NBPF19: variants seen among roughly 807,000 people sequenced by gnomAD.
NBPF19 encodes the protein NBPF family member NBPF19.
In NBPF19, 30 loss-of-function variants were observed where a neutral mutation model predicts 45.9. The observed-to-expected ratio is 0.65, with a 90% CI of 0.49 to 0.89. NBPF19 has a LOEUF of 0.89. Ranked by LOEUF, NBPF19 falls within the 40% of genes least tolerant of loss-of-function variation. The probability of loss-of-function intolerance (pLI) is 0.00; values close to 1 mark genes in which losing one functional copy is unlikely to be tolerated. For synonymous variants in NBPF19, 183 were observed against 181.2 expected (o/e 1.01, Z -0.08); for missense variants, 495 against 471.8 (o/e 1.05, Z -0.46).
chr1:149,555,061 T>G lies in NBPF19; in HGVS notation c.*323T>G. 2.4e-6 allele frequency: 1 copy of G among 413,242 alleles called. No individual in the cohort carries two copies. 25.6% of individuals were successfully genotyped at this position (413,242 alleles called of 1,614,324 possible). ...CATTTTGCAGGCATGTCTCTGAGCT[T>G]CTATACCTGCTCAAGGTCAGTGTCA... On this transcript the variant is annotated 3_prime_UTR_variant, in exon 94 of 94. Coordinates refer to ENST00000651566, the MANE Select transcript of NBPF19 (RefSeq NM_001351365.2).
Position 149,497,692 on chromosome 1 carries a change from T to A in NBPF19, c.2672T>A (p.Met891Lys). ...EQQCVGLAID[M>K]DEIEKYQEVE... is the part of the protein sequence containing the mutation. ...CAGTGTGTTGGCTTGGCTATTGACATGGATGGTGAGTACCTTTCTATGAAG... is the reference window on the plus strand; with the variant it reads ...CAGTGTGTTGGCTTGGCTATTGACAAGGATGGTGAGTACCTTTCTATGAAG... The change falls in exon 22 of 94, where the codon ATG (methionine) becomes AAG (lysine). Residue 891 changes from methionine (M) to lysine (K), a missense_variant. Met to Lys is a moderately conservative substitution (Grantham distance 95, BLOSUM62 -1). Transcript: ENST00000651566. 2 of 184,208 alleles carry A rather than the reference T, an allele frequency of 1.1e-5. 1 individual carries two copies. The highest frequency in any genetic ancestry group is 1.4e-5 in the Non-Finnish European group (2 of 140,834). The allele number at this position is 184,208 out of a possible 1,614,324, so 11.4% of individuals were successfully genotyped here. A position where few individuals can be genotyped will look rare whatever the true frequency, so the allele number is the denominator to read the frequency against.
Position 149,478,955 on chromosome 1 carries a change from T to G in NBPF19, c.354T>G (p.Asp118Glu). 1 of 1,604,126 alleles carries G rather than the reference T, an allele frequency of 6.2e-7. No homozygotes were observed. The highest frequency in any genetic ancestry group is 1.3e-5 in the African/African-American group (1 of 74,476). Residue 118 changes from aspartate (D) to glutamate (E), a missense_variant, in exon 4 of 94, where the codon GAT (aspartate) becomes GAG (glutamate). Around this residue, in one of 8 missense-constraint regions of NBPF19, gnomAD observed 69 missense variants for 87.8 expected, o/e 0.79. Coordinates refer to ENST00000651566, the MANE Select transcript of NBPF19 (RefSeq NM_001351365.2). ...GGGAGAAGTTACGGGAAGGGAGAGA[T>G]GCCTCCCGCTCATTGAATGAGCATC... is the stretch of plus-strand genomic sequence containing the variant. ...QLREKLREGR[D>E]ASRSLNEHLQ...
At chr1:149,528,950 T>TG (rs2086913717) in intron 61 of NBPF19, among the ~76,000 whole-genome samples, 1 of 127,058 alleles carries the variant, frequency 7.9e-6, no homozygotes, top group African/African-American at 3.2e-5. Context: ...TCTCTCTGTG[T>TG]GTGTGTGTGT....
chr1:149,521,170 C>G (rs1390839706), intron 51 of NBPF19, 149 bp from the exon 52 acceptor site: 1 of 356,500 alleles, frequency 2.8e-6, no homozygotes, highest in South Asian at 2.5e-5. Context: ...TGTTCTATCC[C>G]AACATAAAGG....
chr1:149,486,164 C>G lies in NBPF19; in HGVS notation c.859C>G (p.Gln287Glu). Residue 287 changes from glutamine to glutamate, a missense_variant, in exon 8 of 94, where the codon CAG (glutamine) becomes GAG (glutamate). Gln to Glu is a conservative substitution (Grantham distance 29, BLOSUM62 2). Coordinates refer to ENST00000651566, the MANE Select transcript of NBPF19 (RefSeq NM_001351365.2). ...GGAGTCTGAAGAGGAGGAAGTCCCC[C>G]AGGAGTCCTGGGATGAAGGTTATTC... ...LQESEEEEVP[Q>E]ESWDEGYSTL... 4.5e-6 allele frequency: 2 copies of G among 447,032 alleles called. No individual in the cohort carries two copies. Among genetic ancestry groups the G allele is most frequent in the Non-Finnish European group, 3.8e-6 (1 of 263,404 alleles). The allele number at this position is 447,032 out of a possible 1,614,324, so 27.7% of individuals were successfully genotyped here.
intron 9 of NBPF19, among the ~76,000 whole-genome samples, chr1:149,487,775 CTGTGTGTGTGTGTGTGTG>C (rs1219803937): frequency 3.5e-4 from 45 of 128,760 alleles, no homozygotes; most frequent in South Asian, 5.3e-4. Flanking sequence ...TGAGCTCGCT[CTGTGTGTGTGTGTGTGTG>C]TGTGTGTGTG....
chr1:149,477,661 A>G (rs1178054657), intron 2 of NBPF19, among the ~76,000 whole-genome samples: 1 of 151,356 alleles, frequency 6.6e-6, no homozygotes, highest in Non-Finnish European at 1.5e-5. Context: ...ATTCAGAGTC[A>G]GACCTCAGGG....
chr1:149,493,892 A>G (rs1284719119), intron 17 of NBPF19, among the ~76,000 whole-genome samples, 181 bp downstream of exon 17: 12 of 45,082 alleles, frequency 2.7e-4, no homozygotes, highest in African/African-American at 1.8e-3. Flanking sequence ...TCCCCTTATC[A>G]TTTACTAACT....
rs2086381258 is a variant in NBPF19, at chr1:149,515,083, T to C, written c.5298T>C (p.His1766=). 1.2e-5 allele frequency: 10 copies of C among 822,694 alleles called. 1 individual carries two copies. Among genetic ancestry groups the C allele is most frequent in the Non-Finnish European group, 2.0e-5 (10 of 500,928 alleles). 51.0% of individuals were successfully genotyped at this position (822,694 alleles called of 1,614,324 possible). A position where few individuals can be genotyped will look rare whatever the true frequency, so the allele number is the denominator to read the frequency against. The change falls in exon 44 of 94, where the codon CAT becomes CAC. Residue 1766 remains histidine (H), a synonymous_variant. Coordinates refer to ENST00000651566, the MANE Select transcript of NBPF19 (RefSeq NM_001351365.2). ...CCTTTTATGCATTGGAGGAAAAACATGTTGGCTTTTCTCTTGACGTGGGAG... is the reference window on the plus strand; with the variant it reads ...CCTTTTATGCATTGGAGGAAAAACACGTTGGCTTTTCTCTTGACGTGGGAG... The part of the protein sequence containing the change: ...GSSFYALEEK[H]VGFSLDVGEI...
intron 3 of NBPF19, among the ~76,000 whole-genome samples, chr1:149,478,269 A>C (rs2084965289): frequency 6.6e-6 from 1 of 151,160 alleles, no homozygotes; most frequent in East Asian, 1.9e-4. Context: ...TCAAACAAGT[A>C]ATTGTTGAGG....
intron 7 of NBPF19, among the ~76,000 whole-genome samples, chr1:149,483,454 A>G (rs1412845287): frequency 2.4e-5 from 2 of 83,406 alleles, no homozygotes; most frequent in Non-Finnish European, 4.6e-5. Flanking sequence ...TCCTGAGTAC[A>G]GCACACTGAT....
At chr1:149,479,822 G>T (rs1306846180) in intron 4 of NBPF19, among the ~76,000 whole-genome samples, 13 of 150,972 alleles carry the variant, frequency 8.6e-5, no homozygotes, top group Admixed American at 2.0e-4. Context: ...CCAAGCCTGT[G>T]CCTGGGAATC....
At chr1:149,478,132 G>A (rs1195508316) in intron 3 of NBPF19, 85 bp downstream of exon 3, 30 of 824,578 alleles carry the variant, frequency 3.6e-5, no homozygotes, top group Admixed American at 1.3e-4. Context: ...AAATAAGAAC[G>A]AAGCTGGGCC....
rs1413502317 is a variant in NBPF19, at chr1:149,554,451, C to T, written c.11289-44C>T. The T allele has an allele frequency of 6.8e-6, 11 of 1,607,764 alleles. No individual in the cohort carries two copies. The South Asian group carries it at 1.1e-4, about 16-fold the overall frequency. ...GAAATCTAGTGGGGCTCTGTGGTGT[C>T]TGATTTTCCCTGGCTGCTTCTTTAG... On this transcript the variant is annotated intron_variant, in intron 93 of 93. Transcript: ENST00000651566.
intron 8 of NBPF19, among the ~76,000 whole-genome samples, chr1:149,487,003 C>A (rs1479925185): frequency 2.7e-5 from 4 of 150,640 alleles, no homozygotes; most frequent in Admixed American, 6.6e-5. Flanking sequence ...TGAGAGAAAG[C>A]TTAATATTGA....
chr1:149,477,534 G>T (rs2084915662), intron 2 of NBPF19, among the ~76,000 whole-genome samples: 1 of 150,976 alleles, frequency 6.6e-6, no homozygotes, highest in South Asian at 2.1e-4. Flanking sequence ...CCAGTAAAAG[G>T]GAAACCATCA....
rs1431827522 is a variant in NBPF19, at chr1:149,555,003, T to C, written c.*265T>C. The C allele has an allele frequency of 1.5e-4, 88 of 602,630 alleles. 2 individuals carry two copies. The highest frequency in any genetic ancestry group is 2.1e-4 in the Non-Finnish European group (78 of 364,184). The allele number at this position is 602,630 out of a possible 1,614,324, so 37.3% of individuals were successfully genotyped here. A position where few individuals can be genotyped will look rare whatever the true frequency, so the allele number is the denominator to read the frequency against. Reference sequence around the variant, plus strand: ...CGGACATTTTAATTTGAACCACGTATCTTTGGGTAGCTACAAAATTCCTCA... The same window carrying C: ...CGGACATTTTAATTTGAACCACGTACCTTTGGGTAGCTACAAAATTCCTCA... On this transcript the variant is annotated 3_prime_UTR_variant, in exon 94 of 94. Coordinates refer to ENST00000651566, the MANE Select transcript of NBPF19 (RefSeq NM_001351365.2).
rs1571038857 is a variant in NBPF19 at position 149,520,991 on chromosome 1, G to T, written c.6164+308G>T. Among the ~76,000 whole-genome samples the T allele has an allele frequency of 1.1e-4, 4 of 35,420 alleles. No individual in the cohort carries two copies. The South Asian group carries it at 2.7e-3, about 24-fold the overall frequency. The allele number at this position is 35,420 out of a possible 152,430, so 23.2% of individuals were successfully genotyped here. ...TTTTCATGATCACAGTTTGCTGTGT[G>T]TCATGAGGGCACTAACTCAGAGTGT... On this transcript the variant is annotated intron_variant, in intron 51 of 93. Coordinates refer to ENST00000651566, the MANE Select transcript of NBPF19 (RefSeq NM_001351365.2).
chr1:149,479,141 G>T, intron 4 of NBPF19, 47 bp downstream of exon 4: 1 of 1,534,188 alleles, frequency 6.5e-7, no homozygotes, highest in East Asian at 2.3e-5. Context: ...AGGCTTATGA[G>T]AGGCTCCAGA....
Sources: allele counts gnomAD v4.1 joint callset (sites outside exome capture counted in the v4.1 genomes callset), GRCh38; gene constraint gnomAD v4.1.1; regional missense constraint gnomAD v4.1.1; transcripts MANE v1.5; gene names NCBI Gene and HGNC (gene_info 2026-07-23, HGNC 2026-07-21).